The following SLC44A1 variants were observed in gnomAD, a reference collection of about 807,000 sequenced individuals.
The protein encoded by SLC44A1 is choline transporter-like protein 1.
SLC44A1 carries 26 observed loss-of-function variants against 79.3 expected under a neutral mutation model. That is an observed-to-expected ratio of 0.33 (90% CI 0.24 to 0.46). The LOEUF (loss-of-function observed/expected upper bound fraction) is 0.46. Among genes scored for constraint, SLC44A1 ranks in the 20% least tolerant of loss-of-function variants. The pLI is 1.00. For missense variants in SLC44A1, 688 were observed against 798.1 expected, an observed-to-expected ratio of 0.86 and a Z score of 1.66; for synonymous variants, 263 against 286.2, an observed-to-expected ratio of 0.92 and a Z score of 0.82.
At chr9:105,297,387 CTTTG>C (rs1041438547) in intron 1 of SLC44A1, among the ~76,000 whole-genome samples, 9 of 151,928 alleles carry the variant, frequency 5.9e-5, no homozygotes, top group African/African-American at 1.7e-4. Context: ...TACTTTTTTT[CTTTG>C]TTTGTTTTTG....
chr9:105,415,156 C>T (rs554306277), intron 15 of SLC44A1, among the ~76,000 whole-genome samples: 1 of 152,274 alleles, frequency 6.6e-6, no homozygotes, highest in African/African-American at 2.4e-5. Flanking sequence ...AGTGAATCAA[C>T]AAATGAATCC....
chr9:105,411,308 G>A (rs112665108), intron 15 of SLC44A1, among the ~76,000 whole-genome samples: 1 of 151,798 alleles, frequency 6.6e-6, no homozygotes, highest in Non-Finnish European at 1.5e-5. Context: ...TAATGCATTT[G>A]CTTTTTCTCC....
In SLC44A1 at chr9:105,272,250, T is replaced by C. The variant is rs1830095341; in HGVS notation, c.37-26970T>C. On this transcript the variant is annotated intron_variant, in intron 1 of 15. Coordinates refer to ENST00000374720, the MANE Select transcript of SLC44A1 (RefSeq NM_080546.5). ...CTTATATGAGTCTGTACTGTAGATA[T>C]TCATTTTTTTGTCTTCTTTATATCT... 5.9e-5 allele frequency among the ~76,000 whole-genome samples: 9 copies of C among 152,192 alleles called. No homozygotes were observed. The South Asian group carries it at 1.7e-3, about 28-fold the overall frequency.
chr9:105,382,035 GAATCC>G (rs1828483070), intron 13 of SLC44A1, among the ~76,000 whole-genome samples: 1 of 150,440 alleles, frequency 6.6e-6, no homozygotes, highest in Admixed American at 6.6e-5. Context: ...GAATTCAGTA[GAATCC>G]ATTACTGCTG....
chr9:105,272,181 A>C (rs1830093986), intron 1 of SLC44A1, among the ~76,000 whole-genome samples: 1 of 152,226 alleles, frequency 6.6e-6, no homozygotes, highest in African/African-American at 2.4e-5. Context: ...CTTTCTACTG[A>C]ATTAATCAAA....
intron 4 of SLC44A1, among the ~76,000 whole-genome samples, chr9:105,345,387 C>A (rs1480728298): frequency 6.6e-6 from 1 of 152,126 alleles, no homozygotes; most frequent in African/African-American, 2.4e-5. Context: ...CCTGGTGGAA[C>A]TAATTTTTCT....
intron 15 of SLC44A1, among the ~76,000 whole-genome samples, chr9:105,406,664 C>T (rs943320177): frequency 1.3e-5 from 2 of 152,124 alleles, no homozygotes; most frequent in Non-Finnish European, 2.9e-5. Flanking sequence ...CTTCCTTGAG[C>T]CCACGAGTTC....
intron 3 of SLC44A1, among the ~76,000 whole-genome samples, chr9:105,319,179 A>G (rs1282304499): frequency 6.6e-5 from 10 of 152,142 alleles, no homozygotes. Flanking sequence ...AACCACCCTT[A>G]TATCTGACCC....
At chr9:105,316,091 G>A (rs1831316556) in intron 3 of SLC44A1, among the ~76,000 whole-genome samples, 1 of 152,048 alleles carries the variant, frequency 6.6e-6, no homozygotes, top group Non-Finnish European at 1.5e-5. Context: ...TCTTCTTTGA[G>A]TTAGGCACTT....
At chr9:105,310,508 C>T (rs1019107108) in intron 3 of SLC44A1, among the ~76,000 whole-genome samples, 1 of 152,072 alleles carries the variant, frequency 6.6e-6, no homozygotes, top group East Asian at 1.9e-4. Flanking sequence ...TATATTTGTA[C>T]AGACTATATA....
intron 3 of SLC44A1, among the ~76,000 whole-genome samples, chr9:105,320,677 C>T (rs1403243943): frequency 6.6e-6 from 1 of 152,114 alleles, no homozygotes; most frequent in Non-Finnish European, 1.5e-5. Context: ...GCCTCGAATT[C>T]CTGGCCTTAA....
intron 1 of SLC44A1, among the ~76,000 whole-genome samples, chr9:105,277,358 C>T (rs573927035): frequency 3.9e-5 from 6 of 152,284 alleles, no homozygotes; most frequent in African/African-American, 1.4e-4. Context: ...GCAGTTACTC[C>T]ATTCATGATA....
At chr9:105,282,649 A>G (rs968572820) in intron 1 of SLC44A1, among the ~76,000 whole-genome samples, 1 of 152,044 alleles carries the variant, frequency 6.6e-6, no homozygotes, top group African/African-American at 2.4e-5. Context: ...CCTGGGTTCA[A>G]CCAATTCTCC....
intron 15 of SLC44A1, among the ~76,000 whole-genome samples, chr9:105,436,755 T>G (rs1367800623): frequency 6.6e-6 from 1 of 152,230 alleles, no homozygotes; most frequent in Non-Finnish European, 1.5e-5. Context: ...GGGAAAAATC[T>G]GAGGCCGGGG....
Position 105,393,328 on chromosome 9 carries a change from TC to T in SLC44A1, c.*4274del. 1.0e-6 allele frequency: 1 copy of T among 985,362 alleles called. No homozygotes were observed. The highest frequency in any genetic ancestry group is 1.2e-6 in the Non-Finnish European group (1 of 829,908). The allele number at this position is 985,362 out of a possible 1,614,324, so 61.0% of individuals were successfully genotyped here. On this transcript the variant is annotated 3_prime_UTR_variant, in exon 16 of 16. Transcript: ENST00000374720. The stretch of plus-strand genomic sequence containing the variant: ...TCTTTGTTAACTTAGTGGCACATAG[TC>T]CAAATTTTTAAAAAGCAAGACCCTT...
intron 15 of SLC44A1, 188 bp downstream of exon 15, chr9:105,385,690 C>T (rs1828609616): frequency 1.0e-6 from 1 of 985,288 alleles, no homozygotes; most frequent in African/African-American, 1.7e-5. Context: ...CAACTGAGAC[C>T]ACCTTCTATA....
At chr9:105,422,965 C>T (rs1228302017) in intron 15 of SLC44A1, among the ~76,000 whole-genome samples, 1 of 152,162 alleles carries the variant, frequency 6.6e-6, no homozygotes. Flanking sequence ...TAGCAAGGAG[C>T]AAAGTTAGAT....
chr9:105,376,430 A>G (rs1828293040), intron 13 of SLC44A1, among the ~76,000 whole-genome samples: 1 of 150,934 alleles, frequency 6.6e-6, no homozygotes, highest in South Asian at 2.1e-4. Flanking sequence ...CTGGAGTGCA[A>G]TGGCACAATT....
At chr9:105,312,128 T>A (rs991752061) in intron 3 of SLC44A1, among the ~76,000 whole-genome samples, 1 of 152,212 alleles carries the variant, frequency 6.6e-6, no homozygotes, top group African/African-American at 2.4e-5. Context: ...CCTTTATACA[T>A]ATTTGTTGAA....
Sources: allele counts gnomAD v4.1 joint callset (sites outside exome capture counted in the v4.1 genomes callset), GRCh38; gene constraint gnomAD v4.1.1; transcripts MANE v1.5; gene names NCBI Gene and HGNC (gene_info 2026-07-23, HGNC 2026-07-21).